The following SLC8A1 variants were observed in gnomAD, a reference collection of about 807,000 sequenced individuals.
SLC8A1 encodes solute carrier family 8 member A1, also known as sodium/calcium exchanger 1.
In SLC8A1, 18 loss-of-function variants were observed where a neutral mutation model predicts 68.3. That is an observed-to-expected ratio of 0.26 (90% CI 0.18 to 0.39). The LOEUF (loss-of-function observed/expected upper bound fraction) is 0.39, where lower values mean the gene tolerates loss of function less well. Among genes scored for constraint, SLC8A1 ranks in the 10% least tolerant of loss-of-function variants. The pLI, the probability that SLC8A1 is intolerant of heterozygous loss-of-function variation, is 1.00. For synonymous variants in SLC8A1, 475 were observed against 415.5 expected, an observed-to-expected ratio of 1.14 and a Z score of -1.74; for missense variants, 985 against 1,156.7, an observed-to-expected ratio of 0.85 and a Z score of 2.15.
chr2:40,349,053 C>G (rs79746082), intron 2 of SLC8A1, among the ~76,000 whole-genome samples: 8,155 of 152,220 alleles, frequency 0.054, 404 homozygotes, highest in East Asian at 0.2. Context: ...ATTGTGCACA[C>G]AGCTTCAAGG....
intron 1 of SLC8A1, among the ~76,000 whole-genome samples, chr2:40,431,437 G>A (rs1698269659): frequency 6.6e-6 from 1 of 152,102 alleles, no homozygotes; most frequent in Non-Finnish European, 1.5e-5. Flanking sequence ...AACAGAGTCA[G>A]TGAGCAGCAC....
intron 2 of SLC8A1, among the ~76,000 whole-genome samples, chr2:40,325,919 A>C (rs1316670110): frequency 6.6e-6 from 1 of 152,060 alleles, no homozygotes; most frequent in South Asian, 2.1e-4. Flanking sequence ...AAAAGGTAAA[A>C]TGCACATTAA....
intron 1 of SLC8A1, among the ~76,000 whole-genome samples, chr2:40,501,900 G>C (rs1559775895): frequency 6.6e-6 from 1 of 151,996 alleles, no homozygotes; most frequent in African/African-American, 2.4e-5. Flanking sequence ...AAGTGTCAAA[G>C]GAACTTTTCT....
intron 2 of SLC8A1, among the ~76,000 whole-genome samples, chr2:40,269,481 A>G (rs2065756167): frequency 6.6e-6 from 1 of 152,242 alleles, no homozygotes; most frequent in Non-Finnish European, 1.5e-5. Context: ...AAGTTAGTAG[A>G]GGTGGGCAGA....
chr2:40,226,141 G>A lies in SLC8A1; in HGVS notation c.1809-48286C>T, dbSNP rs540208058. On this transcript the variant is annotated intron_variant, in intron 2 of 7. Transcript: ENST00000406785. ...GCTTTTCCCCTAAAAGTCGGGCCTT[G>A]CTGTGACAGCTACTTCACAAGCACA... Among the ~76,000 whole-genome samples, 8 of 152,218 alleles carry A rather than the reference G, an allele frequency of 5.3e-5. No individual in the cohort carries two copies. The East Asian group carries it at 1.6e-3, about 30-fold the overall frequency.
At chr2:40,410,443 T>C (rs539240565) in intron 2 of SLC8A1, among the ~76,000 whole-genome samples, 3 of 152,262 alleles carry the variant, frequency 2.0e-5, no homozygotes, top group South Asian at 2.1e-4. Flanking sequence ...GTTTAATGTA[T>C]ATGAGTACTA....
At chr2:40,147,709 C>A (rs1028821951) in intron 6 of SLC8A1, among the ~76,000 whole-genome samples, 1 of 152,074 alleles carries the variant, frequency 6.6e-6, no homozygotes, top group Non-Finnish European at 1.5e-5. Flanking sequence ...ATGTTATGTC[C>A]TAGAGAATGT....
chr2:40,266,028 T>A (rs76493523), intron 2 of SLC8A1, among the ~76,000 whole-genome samples: 1 of 152,122 alleles, frequency 6.6e-6, no homozygotes, highest in Non-Finnish European at 1.5e-5. Flanking sequence ...TCATACTAAC[T>A]CCTAACTTCA....
At chr2:40,106,509 G>T (rs1558383647) in exon 8 of SLC8A1, 1 of 151,894 alleles carries the variant, frequency 6.6e-6, no homozygotes, top group African/African-American at 2.4e-5. Flanking sequence ...GAATTTGTGA[G>T]AACAACCTGA....
chr2:40,269,895 A>T (rs913685796), intron 2 of SLC8A1, among the ~76,000 whole-genome samples: 1 of 152,172 alleles, frequency 6.6e-6, no homozygotes, highest in East Asian at 1.9e-4. Flanking sequence ...AGATATAGAA[A>T]GGTGGAGAAC....
At chr2:40,452,797 A>C (rs1043709366), upstream of SLC8A1, among the ~76,000 whole-genome samples, 12 of 151,262 alleles carry the variant, frequency 7.9e-5, no homozygotes, top group African/African-American at 2.7e-4. Context: ...GAACTGGGAC[A>C]GAGTCTCTGT....
At chr2:40,437,229 A>G (rs1241135295) in intron 1 of SLC8A1, among the ~76,000 whole-genome samples, 1 of 152,132 alleles carries the variant, frequency 6.6e-6, no homozygotes, top group Non-Finnish European at 1.5e-5. Flanking sequence ...ATAAGTTAAC[A>G]ATGTTTTCTG....
chr2:40,241,174 AAG>A (rs2061171235), intron 2 of SLC8A1, among the ~76,000 whole-genome samples: 1 of 152,216 alleles, frequency 6.6e-6, no homozygotes, highest in Non-Finnish European at 1.5e-5. Context: ...AGCCATAAAA[AAG>A]AACAAAATCA....
chr2:40,272,165 G>A (rs1220947530), intron 2 of SLC8A1, among the ~76,000 whole-genome samples: 1 of 152,250 alleles, frequency 6.6e-6, no homozygotes, highest in South Asian at 2.1e-4. Context: ...ACTGCACCTG[G>A]CCAAAACTTA....
At chr2:40,288,891 G>A (rs2068788142) in intron 2 of SLC8A1, among the ~76,000 whole-genome samples, 1 of 136,088 alleles carries the variant, frequency 7.3e-6, no homozygotes, top group Admixed American at 7.0e-5. Context: ...GTAGAGATGG[G>A]ATCTCATAAT....
Position 40,226,357 on chromosome 2 carries a change from A to C in SLC8A1, c.1809-48502T>G, listed in dbSNP as rs552906591. Among the ~76,000 whole-genome samples the C allele has an allele frequency of 3.3e-5, 5 of 152,264 alleles. No individual in the cohort carries two copies. The South Asian group carries it at 1.0e-3, about 32-fold the overall frequency. On this transcript the variant is annotated intron_variant, in intron 2 of 7. Transcript: ENST00000406785. ...GGCATGTATATTCATTGTGCTGCAAACTTCCATGACTTCTAGGGTAGGCAT... is the reference window on the plus strand; with the variant it reads ...GGCATGTATATTCATTGTGCTGCAACCTTCCATGACTTCTAGGGTAGGCAT...
chr2:40,426,773 G>A (rs1308507634), intron 2 of SLC8A1, among the ~76,000 whole-genome samples: 2 of 151,976 alleles, frequency 1.3e-5, no homozygotes, highest in African/African-American at 4.8e-5. Flanking sequence ...ACAACACGCA[G>A]TACACTTTTA....
At chr2:40,346,536 C>T (rs1669368331) in intron 2 of SLC8A1, among the ~76,000 whole-genome samples, 1 of 152,062 alleles carries the variant, frequency 6.6e-6, no homozygotes. Context: ...GTTATTTTGA[C>T]CCTCTCTGGG....
At chr2:40,292,429 G>A (rs1209854024) in intron 2 of SLC8A1, among the ~76,000 whole-genome samples, 1 of 152,156 alleles carries the variant, frequency 6.6e-6, no homozygotes, top group Non-Finnish European at 1.5e-5. Flanking sequence ...TTTGTCTCCA[G>A]TGTCTAAGCT....
Sources: gnomAD v4.1 joint callset for allele counts (sites outside exome capture counted in the v4.1 genomes callset) on GRCh38, gnomAD v4.1.1 for gene constraint, MANE v1.5 for transcripts, NCBI Gene and HGNC (gene_info 2026-07-23, HGNC 2026-07-21) for gene names.